ASTN2: variants seen among roughly 807,000 people sequenced by gnomAD.
ASTN2 encodes the protein astrotactin-2.
ASTN2 carries 54 observed loss-of-function variants against 139.8 expected under a neutral mutation model. That is an observed-to-expected ratio of 0.39 (90% CI 0.31 to 0.48). The LOEUF is 0.48. Among genes scored for constraint, ASTN2 ranks in the 20% least tolerant of loss-of-function variants. The pLI is 0.95. For synonymous variants in ASTN2, 756 were observed against 719.5 expected, an observed-to-expected ratio of 1.05 and a Z score of -0.81; for missense variants, 1,565 against 1,725.1, an observed-to-expected ratio of 0.91 and a Z score of 1.64.
intron 20 of ASTN2, among the ~76,000 whole-genome samples, chr9:116,455,443 T>A (rs748014902): frequency 1.3e-5 from 2 of 152,134 alleles, no homozygotes; most frequent in African/African-American, 4.8e-5. Context: ...ACATTTTCTT[T>A]ACTACAAATT....
intron 4 of ASTN2, among the ~76,000 whole-genome samples, chr9:117,103,992 C>CAGTGCCAGGCAG (rs60510164): frequency 2.0e-5 from 3 of 152,120 alleles, no homozygotes; most frequent in Non-Finnish European, 2.9e-5. Flanking sequence ...AGGCCAGGCA[C>CAGTGCCAGGCAG]TTTACACAGA....
intron 16 of ASTN2, among the ~76,000 whole-genome samples, chr9:116,665,618 T>C (rs1858815525): frequency 6.6e-6 from 1 of 152,156 alleles, no homozygotes; most frequent in Non-Finnish European, 1.5e-5. Flanking sequence ...AATCCAAGTC[T>C]GGAACAAGTA....
chr9:116,884,185 A>G (rs1321953083), intron 10 of ASTN2, among the ~76,000 whole-genome samples: 1 of 152,078 alleles, frequency 6.6e-6, no homozygotes, highest in Non-Finnish European at 1.5e-5. Context: ...ACAGTCTAGA[A>G]GCCCATGTCT....
At chr9:117,380,645 G>T (rs1172243692) in intron 1 of ASTN2, among the ~76,000 whole-genome samples, 1 of 151,900 alleles carries the variant, frequency 6.6e-6, no homozygotes. Context: ...GGGTGGGGCT[G>T]CTGGGTACAT....
chr9:116,516,419 C>T (rs760573192), intron 19 of ASTN2, among the ~76,000 whole-genome samples: 3 of 152,186 alleles, frequency 2.0e-5, no homozygotes, highest in Non-Finnish European at 4.4e-5. Context: ...ACATCATAAT[C>T]TCATTTGATC....
chr9:117,085,199 A>G (rs1262691843), intron 5 of ASTN2, among the ~76,000 whole-genome samples: 1 of 152,148 alleles, frequency 6.6e-6, no homozygotes, highest in Non-Finnish European at 1.5e-5. Flanking sequence ...CATCTAGTGC[A>G]TCATCCTCGG....
chr9:116,632,661 G>C (rs1212491950), intron 17 of ASTN2, among the ~76,000 whole-genome samples: 1 of 152,070 alleles, frequency 6.6e-6, no homozygotes, highest in East Asian at 1.9e-4. Context: ...CTGTATCTTT[G>C]TACATGGGTT....
In ASTN2 at chr9:116,604,972, C is replaced by T. The variant is rs143855203; in HGVS notation, c.3355+13352G>A. On this transcript the variant is annotated intron_variant, in intron 19 of 22. Transcript: ENST00000313400. ...CTAAATCAGCAGCTCATATCAGAGC[C>T]AGCTTAGAGAGACAAAGACAAGCAA... Among the ~76,000 whole-genome samples, 14 of 151,856 alleles carry T rather than the reference C, an allele frequency of 9.2e-5. No homozygotes were observed. The East Asian group carries it at 2.5e-3, about 27-fold the overall frequency.
rs757752867 is a variant in ASTN2, at chr9:116,698,933, C to G, written c.2806+26838G>C. On this transcript the variant is annotated intron_variant, in intron 16 of 22. Coordinates refer to ENST00000313400, the MANE Select transcript of ASTN2 (RefSeq NM_001365068.1). This position sits in a 1 kb window ranked among gnomAD's most constrained non-coding sequence, Gnocchi z 4.4. ...ACCGTGGTAACTATCGTATACAAGTCTTTACCCGCAAAGGCTTTTTGAAGG... is the reference window on the plus strand; with the variant it reads ...ACCGTGGTAACTATCGTATACAAGTGTTTACCCGCAAAGGCTTTTTGAAGG... 41 of 1,614,088 alleles carry G rather than the reference C, an allele frequency of 2.5e-5. No individual in the cohort carries two copies. The highest frequency in any genetic ancestry group is 3.4e-5 in the Non-Finnish European group (40 of 1,180,050).
At chr9:116,681,994 G>A (rs1564202453) in intron 16 of ASTN2, among the ~76,000 whole-genome samples, 2 of 151,856 alleles carry the variant, frequency 1.3e-5, no homozygotes, top group African/African-American at 4.8e-5. Flanking sequence ...AACATCAAAA[G>A]CAATGGCAAC....
At chr9:116,789,798 G>A (rs1028309374) in intron 13 of ASTN2, among the ~76,000 whole-genome samples, 22 of 152,102 alleles carry the variant, frequency 1.4e-4, no homozygotes, top group Admixed American at 4.6e-4. Context: ...GTGACAGGAC[G>A]CACACTACAA....
intron 13 of ASTN2, among the ~76,000 whole-genome samples, chr9:116,789,920 CTTTTT>C (rs57433960): frequency 8.6e-5 from 8 of 93,338 alleles, no homozygotes; most frequent in African/African-American, 3.4e-4. Flanking sequence ...TTCTCTTTCT[CTTTTT>C]TTTTTTTTTT....
intron 10 of ASTN2, among the ~76,000 whole-genome samples, chr9:116,892,988 C>G (rs1422956648): frequency 6.6e-6 from 1 of 152,130 alleles, no homozygotes; most frequent in Non-Finnish European, 1.5e-5. Flanking sequence ...GCCGATGGCA[C>G]TTACACCCCT....
At chr9:116,847,458 G>A (rs762246356) in intron 11 of ASTN2, among the ~76,000 whole-genome samples, 1 of 152,130 alleles carries the variant, frequency 6.6e-6, no homozygotes, top group Non-Finnish European at 1.5e-5. Flanking sequence ...GGAGGCCAGG[G>A]AACACTTTCC....
chr9:116,853,734 A>ATGCTCTAG (rs1297606123), intron 11 of ASTN2, among the ~76,000 whole-genome samples: 3 of 152,198 alleles, frequency 2.0e-5, no homozygotes, highest in Non-Finnish European at 4.4e-5. Context: ...GGAGCACCAG[A>ATGCTCTAG]TGCTCTATTG....
chr9:116,557,340 C>G (rs779002678), intron 19 of ASTN2, among the ~76,000 whole-genome samples: 2 of 149,196 alleles, frequency 1.3e-5, no homozygotes, highest in Non-Finnish European at 3.0e-5. Context: ...TTTGGGAGAA[C>G]ATATTTAATT....
chr9:117,314,287 A>G (rs1449938152), intron 1 of ASTN2, among the ~76,000 whole-genome samples: 2 of 151,712 alleles, frequency 1.3e-5, no homozygotes, highest in African/African-American at 4.8e-5. Context: ...ATTCATGCTG[A>G]ACAAGCAGCA....
chr9:116,541,123 T>C (rs1002130300), intron 19 of ASTN2, among the ~76,000 whole-genome samples: 9 of 152,196 alleles, frequency 5.9e-5, no homozygotes, highest in African/African-American at 2.2e-4. Context: ...TGTAACTTAC[T>C]CATGTTTCTG....
intron 10 of ASTN2, among the ~76,000 whole-genome samples, chr9:116,957,233 G>A (rs1459627975): frequency 1.3e-5 from 2 of 151,738 alleles, no homozygotes; most frequent in South Asian, 2.1e-4. Flanking sequence ...GTACATATGC[G>A]TGTGTATGTT....
Sources: allele counts gnomAD v4.1 joint callset (sites outside exome capture counted in the v4.1 genomes callset), GRCh38; gene constraint gnomAD v4.1.1; non-coding constraint Gnocchi (gnomAD v3.1); transcripts MANE v1.5; gene names NCBI Gene and HGNC (gene_info 2026-07-23, HGNC 2026-07-21).